The following AKAIN1 variants were observed in gnomAD, a reference collection of about 807,000 sequenced individuals.
AKAIN1 encodes the protein A-kinase anchor inhibitor 1.
A neutral mutation model predicts 3.7 loss-of-function variants in AKAIN1; 3 were observed. The ratio of observed to expected loss-of-function variants is 0.82; its 90% CI spans 0.37 to 2.12. AKAIN1 has a LOEUF of 2.12. AKAIN1 is among the 30% of genes most tolerant of loss of function. The pLI, the probability that AKAIN1 is intolerant of heterozygous loss-of-function variation, is 0.06. For missense variants in AKAIN1, 82 were observed against 82.7 expected, an observed-to-expected ratio of 0.99 and a Z score of 0.03; for synonymous variants, 31 against 30.8, an observed-to-expected ratio of 1.01 and a Z score of -0.02.
At chr18:5,158,910 C>G (rs930287453) in intron 1 of AKAIN1, among the ~76,000 whole-genome samples, 15 of 152,174 alleles carry the variant, frequency 9.9e-5, no homozygotes, top group Non-Finnish European at 2.1e-4. Flanking sequence ...GTGAAAACAT[C>G]TGATTAATTT....
At chr18:5,152,487 A>G (rs2071085495) in intron 1 of AKAIN1, among the ~76,000 whole-genome samples, 1 of 152,080 alleles carries the variant, frequency 6.6e-6, no homozygotes, top group East Asian at 1.9e-4. Context: ...GGGTAGACAG[A>G]TTTGAGGTTT....
At chr18:5,164,889 T>C (rs9962378) in intron 1 of AKAIN1, among the ~76,000 whole-genome samples, 76,532 of 151,774 alleles carry the variant, frequency 0.5, 19,648 homozygotes, top group Non-Finnish European at 0.55. Context: ...CACTGGCCTT[T>C]TAAAATCAAT....
chr18:5,186,598 G>T (rs116560125), intron 1 of AKAIN1, among the ~76,000 whole-genome samples: 195 of 152,088 alleles, frequency 1.3e-3, no homozygotes, highest in African/African-American at 4.6e-3. Flanking sequence ...TTTTCTAGAG[G>T]TATTAGTACT....
intron 1 of AKAIN1, among the ~76,000 whole-genome samples, chr18:5,184,058 T>C (rs557922267): frequency 6.6e-6 from 1 of 152,024 alleles, no homozygotes; most frequent in Non-Finnish European, 1.5e-5. Flanking sequence ...ATGGCACTAA[T>C]AGAACACGAA....
At chr18:5,156,910 A>C (rs1471473993) in intron 1 of AKAIN1, among the ~76,000 whole-genome samples, 3 of 152,176 alleles carry the variant, frequency 2.0e-5, no homozygotes, top group Non-Finnish European at 4.4e-5. Flanking sequence ...ACATGGTGTG[A>C]AACTAGAAGC....
chr18:5,170,754 G>T (rs773386778), intron 1 of AKAIN1: 1 of 152,062 alleles, frequency 6.6e-6, no homozygotes, highest in Non-Finnish European at 1.5e-5. Context: ...TCAATCAACA[G>T]AATATGGTAG....
chr18:5,165,327 G>C (rs1257443201), intron 1 of AKAIN1, among the ~76,000 whole-genome samples: 1 of 151,940 alleles, frequency 6.6e-6, no homozygotes, highest in Non-Finnish European at 1.5e-5. Flanking sequence ...TAATTGGAGA[G>C]TGGCAAGGTC....
At chr18:5,170,193 A>G (rs2071189702) in intron 1 of AKAIN1, among the ~76,000 whole-genome samples, 1 of 152,190 alleles carries the variant, frequency 6.6e-6, no homozygotes, top group African/African-American at 2.4e-5. Flanking sequence ...TTTGCAACAG[A>G]ATACAAATAT....
Position 5,197,102 on chromosome 18 carries a change from G to T in AKAIN1, c.-49C>A. The T allele has an allele frequency of 2.1e-5, 33 of 1,550,746 alleles. No homozygotes were observed. The highest frequency in any genetic ancestry group is 2.9e-5 in the Non-Finnish European group (33 of 1,146,856). On this transcript the variant is annotated 5_prime_UTR_variant, in exon 1 of 2. The change creates a new upstream start codon in the 5' untranslated region. Coordinates refer to ENST00000434239, the MANE Select transcript of AKAIN1 (RefSeq NM_001145194.2). This position sits in a 1 kb window ranked among gnomAD's most constrained non-coding sequence, Gnocchi z 6.9. ...CCAGATTAAGAGAGAAAGACAGGCA[G>T]ACGGAGGATGGGAAGAAGGCCGGAC...
At chr18:5,165,785 A>T (rs2071164614) in intron 1 of AKAIN1, among the ~76,000 whole-genome samples, 1 of 152,062 alleles carries the variant, frequency 6.6e-6, no homozygotes, top group Non-Finnish European at 1.5e-5. Flanking sequence ...TGCTTGTTGA[A>T]AGTGAGCTTG....
intron 1 of AKAIN1, among the ~76,000 whole-genome samples, chr18:5,185,152 A>T (rs563062910): frequency 2.0e-5 from 3 of 152,280 alleles, no homozygotes; most frequent in East Asian, 3.9e-4. Context: ...TATGTGGAAG[A>T]TTGAAACTAG....
chr18:5,148,649 A>G (rs775751822), intron 1 of AKAIN1, among the ~76,000 whole-genome samples: 14 of 152,154 alleles, frequency 9.2e-5, no homozygotes, highest in Non-Finnish European at 1.2e-4. Context: ...TGAGCTCAGG[A>G]GTTTGAGACC....
chr18:5,175,182 T>A (rs2071219175), intron 1 of AKAIN1, among the ~76,000 whole-genome samples: 1 of 152,176 alleles, frequency 6.6e-6, no homozygotes, highest in Non-Finnish European at 1.5e-5. Flanking sequence ...GTGTACAATT[T>A]GTCACTCCTT....
chr18:5,143,808 T>C lies in AKAIN1; in HGVS notation c.*1754A>G, dbSNP rs568918337. On this transcript the variant is annotated 3_prime_UTR_variant, in exon 2 of 2. Coordinates refer to ENST00000434239, the MANE Select transcript of AKAIN1 (RefSeq NM_001145194.2). ...AGGAAAAATAGTATGTTTATATGTT[T>C]CTGTCACTTGACAGCAAAAACAAAG... is the stretch of plus-strand genomic sequence containing the variant. Among the ~76,000 whole-genome samples, 8 of 152,352 alleles carry C rather than the reference T, an allele frequency of 5.3e-5. No individual in the cohort carries two copies. The highest frequency in any genetic ancestry group is 1.9e-4 in the African/African-American group (8 of 41,588).
In AKAIN1 at chr18:5,145,585, T is replaced by C. The variant is rs145900247; in HGVS notation, c.187A>G (p.Thr63Ala). ...TGTTACTTCTTTTCGTGCTTCTTGG[T>C]TAACTCCCCAACGCCCAGTTGGATG... ...DHIQLGVGEL[T>A]KKHEKK Residue 63 changes from threonine (T) to alanine (A), a missense_variant, in exon 2 of 2, where the codon ACC (threonine) becomes GCC (alanine). Physicochemically the swap from Thr to Ala is moderately conservative, Grantham distance 58. Coordinates refer to ENST00000434239, the MANE Select transcript of AKAIN1 (RefSeq NM_001145194.2). 8 of 1,551,534 alleles carry C rather than the reference T, an allele frequency of 5.2e-6. No individual in the cohort carries two copies. The African/African-American group carries it at 9.6e-5, about 19-fold the overall frequency.
chr18:5,148,656 G>C (rs1052107543), intron 1 of AKAIN1, among the ~76,000 whole-genome samples: 14 of 152,126 alleles, frequency 9.2e-5, no homozygotes, highest in Non-Finnish European at 8.8e-5. Context: ...AGGAGTTTGA[G>C]ACCAGCCTGG....
intron 1 of AKAIN1, among the ~76,000 whole-genome samples, chr18:5,186,227 G>A (rs9960831): frequency 0.31 from 47,370 of 151,792 alleles, 7,422 homozygotes; most frequent in East Asian, 0.35. Flanking sequence ...ACTTGAGGGT[G>A]GAGAGTGGGA....
chr18:5,184,945 T>C (rs2031758743), intron 1 of AKAIN1, among the ~76,000 whole-genome samples: 2 of 152,042 alleles, frequency 1.3e-5, no homozygotes, highest in Admixed American at 6.6e-5. Context: ...CTTCAAACTA[T>C]ACTACAAGGC....
intron 1 of AKAIN1, among the ~76,000 whole-genome samples, chr18:5,183,051 C>A (rs2071267659): frequency 6.6e-6 from 1 of 151,992 alleles, no homozygotes; most frequent in Non-Finnish European, 1.5e-5. Flanking sequence ...GTGCTGCATA[C>A]AGAAAAAAGT....
Sources: gnomAD v4.1 joint callset for allele counts (sites outside exome capture counted in the v4.1 genomes callset) on GRCh38, gnomAD v4.1.1 for gene constraint, Gnocchi (gnomAD v3.1) non-coding constraint, MANE v1.5 for transcripts, NCBI Gene and HGNC (gene_info 2026-07-23, HGNC 2026-07-21) for gene names.